Variants in TMEM243 observed in about 807,000 individuals in gnomAD.
TMEM243 encodes MDR1 and mitochondrial taxol resistance associated.
In TMEM243, 20 loss-of-function variants were observed where a neutral mutation model predicts 15.0. The observed-to-expected ratio is 1.33, with a 90% confidence interval of 0.94 to 1.93. The LOEUF is 1.93. Ranked by LOEUF, TMEM243 falls within the 30% of genes most tolerant of loss-of-function variation. The probability of loss-of-function intolerance (pLI) is 0.00; values close to 1 mark genes in which losing one functional copy is unlikely to be tolerated. For missense variants in TMEM243, 156 were observed against 142.1 expected (o/e 1.10, Z -0.50); for synonymous variants, 72 against 52.7 (o/e 1.37, Z -1.59).
rs746663556 is a variant in TMEM243 at position 87,197,884 on chromosome 7, C to T, written c.234+57G>A. 12 of 1,610,616 alleles carry T rather than the reference C, an allele frequency of 7.5e-6. No individual in the cohort carries two copies. In the South Asian group the frequency reaches 1.1e-4, roughly 15 times the overall value. Reference sequence around the variant, plus strand: ...AGACCCAAGGCTGAAAATTTTTGTCCTGTGCATTGCAACTTAAACCCTCAA... The same window carrying T: ...AGACCCAAGGCTGAAAATTTTTGTCTTGTGCATTGCAACTTAAACCCTCAA... On this transcript the variant is annotated intron_variant, in intron 3 of 3. Coordinates refer to ENST00000257637, the MANE Select transcript of TMEM243 (RefSeq NM_024315.4).
chr7:87,207,203 A>G (rs1347069175), intron 1 of TMEM243, among the ~76,000 whole-genome samples: 1 of 152,254 alleles, frequency 6.6e-6, no homozygotes, highest in Non-Finnish European at 1.5e-5. Context: ...TTTATAAGGC[A>G]TCACAGCTCT....
intron 2 of TMEM243, 47 bp from the exon 3 acceptor site, chr7:87,198,092 T>G (rs1801493117): frequency 6.6e-7 from 1 of 1,510,606 alleles, no homozygotes. Context: ...ATTCCAAGAC[T>G]TGGTAATTAC....
At chr7:87,220,445 T>C (rs1013798362), upstream of TMEM243, 1 of 152,224 alleles carries the variant, frequency 6.6e-6, no homozygotes, top group African/African-American at 2.4e-5. Flanking sequence ...CCCGCCGGGA[T>C]CCGGTGCCGA....
At position 87,219,427 on chromosome 7, in the gene TMEM243, T is replaced by C. The variant is rs1255993731; in HGVS notation, c.77A>G (p.Lys26Arg). Residue 26 changes from lysine to arginine, a missense_variant and splice_region_variant, in exon 1 of 4, where the codon AAG becomes AGG. By Grantham distance (26) the Lys-to-Arg change is conservative (BLOSUM62 2). Coordinates refer to ENST00000257637, the MANE Select transcript of TMEM243 (RefSeq NM_024315.4). ...TCTGGAGTCACAATCCGCACTCACC[T>C]TGGCGGACGTCTCCCCAAACAGAGG... Reference protein sequence around the residue: ...NRPLFGETSAKDRIINLVVGS... With the variant: ...NRPLFGETSARDRIINLVVGS... 1.9e-6 allele frequency: 3 copies of C among 1,614,040 alleles called. No individual in the cohort carries two copies. Among genetic ancestry groups the C allele is most frequent in the Non-Finnish European group, 2.5e-6 (3 of 1,179,984 alleles).
intron 1 of TMEM243, among the ~76,000 whole-genome samples, chr7:87,209,816 G>GAGCGAGAC (rs1234545232): frequency 4.1e-5 from 6 of 144,996 alleles, no homozygotes; most frequent in African/African-American, 1.3e-4. Flanking sequence ...GAGACAGTGA[G>GAGCGAGAC]AGAGCGAGAG....
chr7:87,213,920 A>C (rs1229914711), intron 1 of TMEM243, among the ~76,000 whole-genome samples: 6 of 152,128 alleles, frequency 3.9e-5, no homozygotes, highest in Admixed American at 2.0e-4. Flanking sequence ...TGAGGAATTC[A>C]GTGTATGTAC....
intron 2 of TMEM243, 54 bp downstream of exon 2, chr7:87,198,953 A>C: frequency 1.4e-6 from 2 of 1,462,292 alleles, no homozygotes; most frequent in East Asian, 5.1e-5. Flanking sequence ...ATAATTGATA[A>C]AGTTTTCAAA....
chr7:87,207,863 G>T (rs1802340736), intron 1 of TMEM243, among the ~76,000 whole-genome samples: 1 of 152,118 alleles, frequency 6.6e-6, no homozygotes, highest in Non-Finnish European at 1.5e-5. Context: ...TCCTCTGTCA[G>T]ACATCCTACC....
chr7:87,210,099 G>A (rs536932118), intron 1 of TMEM243, among the ~76,000 whole-genome samples: 109 of 151,598 alleles, frequency 7.2e-4, no homozygotes, highest in African/African-American at 2.6e-3. Flanking sequence ...GCGTGTGGGA[G>A]CGGGGAACTG....
chr7:87,196,402 G>T lies in TMEM243; in HGVS notation c.*234C>A. On this transcript the variant is annotated 3_prime_UTR_variant, in exon 4 of 4. Transcript: ENST00000257637. ...CATTTCAAAAGTGAAATTTTTTTGT[G>T]CTGTTTTAGCTTTAAGGGTTGGAAT... is the stretch of plus-strand genomic sequence containing the variant. The T allele has an allele frequency of 2.8e-6, 1 of 363,096 alleles. No individual in the cohort carries two copies. 22.5% of individuals were successfully genotyped at this position (363,096 alleles called of 1,614,324 possible).
chr7:87,213,476 A>G (rs1802899898), intron 1 of TMEM243, among the ~76,000 whole-genome samples: 1 of 152,246 alleles, frequency 6.6e-6, no homozygotes, highest in Admixed American at 6.5e-5. Flanking sequence ...TCTAGAGGAA[A>G]TAAACTAAAG....
At chr7:87,215,919 G>A (rs1360854123) in intron 1 of TMEM243, among the ~76,000 whole-genome samples, 3 of 152,068 alleles carry the variant, frequency 2.0e-5, no homozygotes, top group Non-Finnish European at 4.4e-5. Context: ...TGGGAGGATC[G>A]CTTGAGGCCA....
At chr7:87,220,456 G>A (rs2129244291), upstream of TMEM243, 1 of 152,410 alleles carries the variant, frequency 6.6e-6, no homozygotes, top group African/African-American at 2.4e-5. Context: ...CCGGTGCCGA[G>A]GCCCAGGAAC....
At chr7:87,204,777 C>T (rs1465276655) in intron 1 of TMEM243, among the ~76,000 whole-genome samples, 3 of 152,190 alleles carry the variant, frequency 2.0e-5, no homozygotes, top group Non-Finnish European at 4.4e-5. Context: ...GAGCAAGTTT[C>T]GGTGAATCTA....
At position 87,197,136 on chromosome 7, in the gene TMEM243, G is replaced by A. The variant is rs140933745; in HGVS notation, c.235-378C>T. Among the ~76,000 whole-genome samples, 317 of 152,136 alleles carry A rather than the reference G, an allele frequency of 2.1e-3. 2 individuals carry two copies. Among genetic ancestry groups the A allele is most frequent in the African/African-American group, 7.1e-3 (296 of 41,512 alleles). Reference sequence around the variant, plus strand: ...AAAATAGGGCTTCCATAATATATTTGGATTAAACTAGTTCATTGTCTGTTA... The same window carrying A: ...AAAATAGGGCTTCCATAATATATTTAGATTAAACTAGTTCATTGTCTGTTA... On this transcript the variant is annotated intron_variant, in intron 3 of 3. Transcript: ENST00000257637.
chr7:87,202,102 A>G (rs1801857847), intron 1 of TMEM243, among the ~76,000 whole-genome samples: 1 of 152,214 alleles, frequency 6.6e-6, no homozygotes, highest in African/African-American at 2.4e-5. Context: ...TGTAAGTCAT[A>G]TATTTATGCA....
chr7:87,217,612 C>T (rs1803202217), intron 1 of TMEM243, among the ~76,000 whole-genome samples: 1 of 152,156 alleles, frequency 6.6e-6, no homozygotes, highest in Admixed American at 6.6e-5. Context: ...GTCCAATCAC[C>T]CTGTCAACTT....
intron 1 of TMEM243, among the ~76,000 whole-genome samples, chr7:87,201,938 G>T (rs1254095352): frequency 6.6e-6 from 1 of 152,192 alleles, no homozygotes; most frequent in Non-Finnish European, 1.5e-5. Context: ...CTGCTGAGAG[G>T]ACAGGATACA....
rs1010614490 is a variant in TMEM243 at position 87,219,700 on chromosome 7, ACCT to A, written c.-200_-198del. The A allele has an allele frequency of 1.9e-5, 11 of 590,730 alleles. No individual in the cohort carries two copies. Among genetic ancestry groups the A allele is most frequent in the Non-Finnish European group, 3.3e-5 (11 of 332,830 alleles). 36.6% of individuals were successfully genotyped at this position (590,730 alleles called of 1,614,324 possible). A position where few individuals can be genotyped will look rare whatever the true frequency, so the allele number is the denominator to read the frequency against. On this transcript the variant is annotated 5_prime_UTR_variant, in exon 1 of 4. Coordinates refer to ENST00000257637, the MANE Select transcript of TMEM243 (RefSeq NM_024315.4). ...CGACTGCTCCGCCCCGGCCCCGCGC[ACCT>A]CCTCATCTTGAGCAGCTGCCGCAGG...
Sources: gnomAD v4.1 joint callset for allele counts (sites outside exome capture counted in the v4.1 genomes callset) on GRCh38, gnomAD v4.1.1 for gene constraint, MANE v1.5 for transcripts, NCBI Gene and HGNC (gene_info 2026-07-23, HGNC 2026-07-21) for gene names.